Variants in GABRB2 observed in about 807,000 individuals in gnomAD.
GABRB2 encodes the protein gamma-aminobutyric acid type A receptor subunit beta2, also known as gamma-aminobutyric acid receptor subunit beta-2.
GABRB2 carries 16 observed loss-of-function variants against 54.7 expected under a neutral mutation model. The observed-to-expected ratio is 0.29, with a 90% CI of 0.20 to 0.44. GABRB2 has a LOEUF of 0.44. GABRB2 is among the 20% of genes least tolerant of loss of function. The pLI is 1.00. For synonymous variants in GABRB2, 244 were observed against 233.8 expected (o/e 1.04, Z -0.40); for missense variants, 355 against 644.0 (o/e 0.55, Z 4.86).
intron 3 of GABRB2, among the ~76,000 whole-genome samples, chr5:161,466,579 T>C (rs1417300943): frequency 6.6e-6 from 1 of 152,054 alleles, no homozygotes; most frequent in Non-Finnish European, 1.5e-5. Flanking sequence ...AAGTGAGAAG[T>C]ATCCCCTTGA....
chr5:161,539,558 T>C (rs1760749142), intron 3 of GABRB2, among the ~76,000 whole-genome samples: 1 of 152,238 alleles, frequency 6.6e-6, no homozygotes, highest in South Asian at 2.1e-4. Flanking sequence ...CAAGTTAATA[T>C]ATCCTTTCTC....
intron 5 of GABRB2, among the ~76,000 whole-genome samples, chr5:161,338,636 A>C (rs756230850): frequency 3.3e-4 from 50 of 151,900 alleles, no homozygotes; most frequent in Non-Finnish European, 7.1e-4. Context: ...AAAAATAATA[A>C]AAAATTAGCC....
Position 161,294,550 on chromosome 5 carries a change from C to T in GABRB2, c.1192-122G>A, listed in dbSNP as rs1348381416. 12 of 739,448 alleles carry T rather than the reference C, an allele frequency of 1.6e-5. No individual in the cohort carries two copies. The Middle Eastern group carries it at 8.6e-4, about 53-fold the overall frequency. 45.8% of individuals were successfully genotyped at this position (739,448 alleles called of 1,614,324 possible). A position where few individuals can be genotyped will look rare whatever the true frequency, so the allele number is the denominator to read the frequency against. On this transcript the variant is annotated intron_variant, in intron 9 of 9. Coordinates refer to ENST00000393959, the MANE Select transcript of GABRB2 (RefSeq NM_001371727.1). ...GGAGTGGTAAAGAGAGCTACCTTTGCGATTACATTACCAAAGTCTGAATTG... is the reference window on the plus strand; with the variant it reads ...GGAGTGGTAAAGAGAGCTACCTTTGTGATTACATTACCAAAGTCTGAATTG...
At chr5:161,447,565 C>T (rs1757672114) in intron 4 of GABRB2, among the ~76,000 whole-genome samples, 2 of 152,120 alleles carry the variant, frequency 1.3e-5, no homozygotes, top group Non-Finnish European at 2.9e-5. Flanking sequence ...TAATGAGCTA[C>T]TTCTGAGAAG....
chr5:161,303,029 G>A (rs1226486322), intron 9 of GABRB2, among the ~76,000 whole-genome samples: 1 of 152,194 alleles, frequency 6.6e-6, no homozygotes, highest in Non-Finnish European at 1.5e-5. Context: ...GAATAAAAGA[G>A]TGAGAATTCT....
intron 9 of GABRB2, among the ~76,000 whole-genome samples, chr5:161,312,868 G>A (rs1396896169): frequency 6.7e-6 from 1 of 148,618 alleles, no homozygotes; most frequent in East Asian, 1.9e-4. Flanking sequence ...TGGGGCAGTG[G>A]ACGATAAGAG....
chr5:161,490,935 A>G (rs1187332540), intron 3 of GABRB2, among the ~76,000 whole-genome samples: 1 of 151,542 alleles, frequency 6.6e-6, no homozygotes, highest in African/African-American at 2.4e-5. Flanking sequence ...TTGCTTCCTC[A>G]CTCTAGTATC....
At chr5:161,532,861 C>T (rs1688841505) in intron 3 of GABRB2, among the ~76,000 whole-genome samples, 1 of 152,116 alleles carries the variant, frequency 6.6e-6, no homozygotes, top group African/African-American at 2.4e-5. Flanking sequence ...ATTTCTTGAG[C>T]TTCTAAATTG....
At chr5:161,450,362 T>G (rs1757756849) in intron 4 of GABRB2, among the ~76,000 whole-genome samples, 1 of 152,162 alleles carries the variant, frequency 6.6e-6, no homozygotes, top group African/African-American at 2.4e-5. Flanking sequence ...GCAAACTTGC[T>G]TTTCCTCTTT....
intron 3 of GABRB2, among the ~76,000 whole-genome samples, chr5:161,516,663 A>G (rs775380763): frequency 6.6e-6 from 1 of 152,218 alleles, no homozygotes; most frequent in Non-Finnish European, 1.5e-5. Context: ...TTTTATTGAA[A>G]AAGTTTATAA....
At chr5:161,310,671 ACG>A (rs1161142232) in intron 9 of GABRB2, among the ~76,000 whole-genome samples, 10 of 122,812 alleles carry the variant, frequency 8.1e-5, no homozygotes, top group East Asian at 7.0e-4. Context: ...ACGCACGCGC[ACG>A]CGCGCACACA....
chr5:161,403,758 A>G (rs559938621), intron 5 of GABRB2, among the ~76,000 whole-genome samples: 1 of 152,294 alleles, frequency 6.6e-6, no homozygotes, highest in East Asian at 1.9e-4. Context: ...GACTGCCAAA[A>G]CAAAATATTT....
At chr5:161,507,109 T>C (rs1581042841) in intron 3 of GABRB2, among the ~76,000 whole-genome samples, 1 of 151,990 alleles carries the variant, frequency 6.6e-6, no homozygotes, top group African/African-American at 2.4e-5. Context: ...TGAAAATACC[T>C]AAGTGGAACT....
chr5:161,363,143 G>A (rs145750103), intron 5 of GABRB2, among the ~76,000 whole-genome samples: 4,336 of 152,198 alleles, frequency 0.028, 233 homozygotes, highest in African/African-American at 0.099. Flanking sequence ...GCCCATCAAC[G>A]ATAGACTGGA....
chr5:161,301,428 T>G (rs1333288904), intron 9 of GABRB2, among the ~76,000 whole-genome samples: 1 of 152,082 alleles, frequency 6.6e-6, no homozygotes, highest in Non-Finnish European at 1.5e-5. Context: ...CTTTCTTTTT[T>G]TTTTTCGATT....
chr5:161,349,627 C>T lies in GABRB2; in HGVS notation c.542-12858G>A, dbSNP rs547698083. ...GAAGGTTCTGTCCAGGATTTCCTTG[C>T]AGCCTTTTTCTCTCATTCTGATTTC... On this transcript the variant is annotated intron_variant, in intron 5 of 9. Transcript: ENST00000393959. 4.6e-5 allele frequency among the ~76,000 whole-genome samples: 7 copies of T among 152,220 alleles called. No individual in the cohort carries two copies. The South Asian group carries it at 1.4e-3, about 32-fold the overall frequency.
chr5:161,381,370 C>T (rs1425608375), intron 5 of GABRB2, among the ~76,000 whole-genome samples: 2 of 152,134 alleles, frequency 1.3e-5, no homozygotes, highest in Non-Finnish European at 2.9e-5. Flanking sequence ...ACAGCAGTAT[C>T]ATTATAAGAA....
chr5:161,358,215 G>A (rs907275084), intron 5 of GABRB2, among the ~76,000 whole-genome samples: 1 of 152,132 alleles, frequency 6.6e-6, no homozygotes, highest in Non-Finnish European at 1.5e-5. Flanking sequence ...ATGTATTAAG[G>A]AGTGGAGGCT....
chr5:161,429,310 C>T (rs754668248), intron 4 of GABRB2, among the ~76,000 whole-genome samples: 38 of 114,250 alleles, frequency 3.3e-4, no homozygotes, highest in Admixed American at 6.3e-4. Flanking sequence ...CGCACCACTG[C>T]ACTCCAGCCT....
Sources: allele counts gnomAD v4.1 joint callset (sites outside exome capture counted in the v4.1 genomes callset), GRCh38; gene constraint gnomAD v4.1.1; transcripts MANE v1.5; gene names NCBI Gene and HGNC (gene_info 2026-07-23, HGNC 2026-07-21).